CRYL1: variants seen among roughly 807,000 people sequenced by gnomAD.
The protein encoded by CRYL1 is lambda-crystallin homolog.
Under a neutral mutation model 36.6 loss-of-function variants are expected in CRYL1, and 29 were observed. That is an observed-to-expected ratio of 0.79 (90% CI 0.59 to 1.08). The LOEUF (loss-of-function observed/expected upper bound fraction) is 1.08. Ranked by LOEUF, CRYL1 falls within the 50% of genes least tolerant of loss-of-function variation. CRYL1 has a pLI of 0.00. For synonymous variants in CRYL1, 152 were observed against 151.5 expected (o/e 1.00, Z -0.02); for missense variants, 411 against 407.9 (o/e 1.01, Z -0.06).
chr13:20,431,848 C>T (rs4614565), intron 5 of CRYL1: 662,233 of 1,423,702 alleles, frequency 0.47, 157,329 homozygotes, highest in East Asian at 0.52. Context: ...AGGAGAGAAG[C>T]CTGTCATCGT....
intron 3 of CRYL1, among the ~76,000 whole-genome samples, chr13:20,458,564 T>A (rs1240561709): frequency 6.6e-6 from 1 of 152,242 alleles, no homozygotes; most frequent in African/African-American, 2.4e-5. Flanking sequence ...ATTTAACTCA[T>A]AAACTCAAAT....
chr13:20,420,701 T>TTTTTTTTTTTTTTTTTTTTTTTG lies in CRYL1; in HGVS notation c.634-7315_634-7314insCAAAAAAAAAAAAAAAAAAAAAA. 2.7e-4 allele frequency among the ~76,000 whole-genome samples: 6 copies of TTTTTTTTTTTTTTTTTTTTTTTG among 21,872 alleles called. 1 individual carries two copies. The highest frequency in any genetic ancestry group is 3.5e-4 in the Admixed American group (1 of 2,876). The allele number at this position is 21,872 out of a possible 152,430, so 14.3% of individuals were successfully genotyped here. A position where few individuals can be genotyped will look rare whatever the true frequency, so the allele number is the denominator to read the frequency against. Reference sequence around the variant, plus strand: ...CTTTGACTTTTCTTTAAAATAGAGGTTGTGTGTGTGTGTGTGTGTGTGTGT... The same window carrying TTTTTTTTTTTTTTTTTTTTTTTG: ...CTTTGACTTTTCTTTAAAATAGAGGTTTTTTTTTTTTTTTTTTTTTTTGTGTGTGTGTGTGTGTGTGTGTGTGT... On this transcript the variant is annotated intron_variant, in intron 5 of 7. Coordinates refer to ENST00000298248, the MANE Select transcript of CRYL1 (RefSeq NM_015974.3).
At chr13:20,417,079 G>A (rs1183424929) in intron 5 of CRYL1, among the ~76,000 whole-genome samples, 1 of 152,216 alleles carries the variant, frequency 6.6e-6, no homozygotes, top group East Asian at 1.9e-4. Context: ...TATAGAGAAA[G>A]AAAAGGACCA....
intron 5 of CRYL1, among the ~76,000 whole-genome samples, chr13:20,426,307 C>T (rs2031934397): frequency 6.6e-6 from 1 of 151,546 alleles, no homozygotes; most frequent in South Asian, 2.1e-4. Flanking sequence ...GAGGGTCTCA[C>T]TATGTTACCC....
intron 3 of CRYL1, among the ~76,000 whole-genome samples, chr13:20,470,469 A>G (rs192913210): frequency 6.6e-6 from 1 of 152,282 alleles, no homozygotes; most frequent in Admixed American, 6.5e-5. Flanking sequence ...AGGACTTTCT[A>G]TTTTTCCAGA....
intron 3 of CRYL1, among the ~76,000 whole-genome samples, chr13:20,475,390 T>C (rs1164609241): frequency 6.6e-6 from 1 of 152,180 alleles, no homozygotes; most frequent in African/African-American, 2.4e-5. Flanking sequence ...CATCAACAAA[T>C]GTTTATTAAG....
At chr13:20,463,405 CAG>C (rs1304542327) in intron 3 of CRYL1, among the ~76,000 whole-genome samples, 1 of 11,090 alleles carries the variant, frequency 9.0e-5, no homozygotes, top group East Asian at 0.17. Context: ...GATTTTTCTC[CAG>C]AAAAAAATCT....
chr13:20,513,070 A>G (rs2033942404), intron 1 of CRYL1, among the ~76,000 whole-genome samples: 1 of 152,204 alleles, frequency 6.6e-6, no homozygotes, highest in African/African-American at 2.4e-5. Flanking sequence ...ATGTAGGAAT[A>G]TTAGGTATGA....
chr13:20,454,231 T>C (rs1200670358), intron 3 of CRYL1, among the ~76,000 whole-genome samples: 3 of 151,952 alleles, frequency 2.0e-5, no homozygotes, highest in African/African-American at 7.3e-5. Flanking sequence ...AAAAAAAATC[T>C]CAACAAAAAA....
At chr13:20,430,971 A>G (rs1593438859) in intron 5 of CRYL1, 1 of 985,444 alleles carries the variant, frequency 1.0e-6, no homozygotes, top group East Asian at 1.1e-4. Context: ...AAACCCGAGC[A>G]CTGTTTCTTG....
In CRYL1 at chr13:20,439,763, G is replaced by A; in HGVS notation, c.277-9C>T. 6.2e-7 allele frequency: 1 copy of A among 1,613,584 alleles called. No homozygotes were observed. Among genetic ancestry groups the A allele is most frequent in the Non-Finnish European group, 8.5e-7 (1 of 1,179,632 alleles). On this transcript the variant is annotated splice_polypyrimidine_tract_variant and intron_variant, in intron 3 of 7. Transcript: ENST00000298248. Reference sequence around the variant, plus strand: ...TCTTCTGGAACACATTCCTGAAAAGGACACGTTTAAATGACTATTCATGAC... The same window carrying A: ...TCTTCTGGAACACATTCCTGAAAAGAACACGTTTAAATGACTATTCATGAC...
rs1029144306 is a variant in CRYL1 at position 20,491,566 on chromosome 13, G to A, written c.150-2070C>T. ...AGCACTTTGCGAGGCCAAGGCAGGC[G>A]GGTCACTTGAGGACGGGAGTTTGAG... On this transcript the variant is annotated intron_variant, in intron 2 of 7. Coordinates refer to ENST00000298248, the MANE Select transcript of CRYL1 (RefSeq NM_015974.3). 7.9e-5 allele frequency among the ~76,000 whole-genome samples: 12 copies of A among 152,230 alleles called. No homozygotes were observed. The East Asian group carries it at 1.2e-3, about 15-fold the overall frequency.
chr13:20,469,423 A>G (rs886502801), intron 3 of CRYL1, among the ~76,000 whole-genome samples: 4 of 152,168 alleles, frequency 2.6e-5, no homozygotes, highest in African/African-American at 9.7e-5. Flanking sequence ...TGAGAAGTTC[A>G]GGTCTGGGTC....
rs571480932 is a variant in CRYL1 at position 20,415,029 on chromosome 13, C to T, written c.634-1642G>A. Among the ~76,000 whole-genome samples the T allele has an allele frequency of 1.9e-4, 29 of 152,328 alleles. No homozygotes were observed. Among genetic ancestry groups the T allele is most frequent in the African/African-American group, 6.7e-4 (28 of 41,584 alleles). On this transcript the variant is annotated intron_variant, in intron 5 of 7. Coordinates refer to ENST00000298248, the MANE Select transcript of CRYL1 (RefSeq NM_015974.3). This position sits in a 1 kb window ranked among gnomAD's most constrained non-coding sequence, Gnocchi z 4.1. ...GCTGGCCCGCCTGCGAGAGCCCGAC[C>T]GTGGACGATGCGTCGCGCCCTTCCC... is the stretch of plus-strand genomic sequence containing the variant.
At chr13:20,470,784 C>T (rs1446541048) in intron 3 of CRYL1, among the ~76,000 whole-genome samples, 2 of 151,902 alleles carry the variant, frequency 1.3e-5, no homozygotes, top group African/African-American at 4.8e-5. Context: ...GTGGCAGGCG[C>T]CTGTAATCCC....
chr13:20,519,219 G>T (rs995136034), intron 1 of CRYL1, among the ~76,000 whole-genome samples: 1 of 151,380 alleles, frequency 6.6e-6, no homozygotes, highest in Non-Finnish European at 1.5e-5. Context: ...ACAAAAGGGA[G>T]TGCCAGTGAG....
At chr13:20,499,370 C>T (rs1409608542) in intron 2 of CRYL1, among the ~76,000 whole-genome samples, 9 of 149,952 alleles carry the variant, frequency 6.0e-5, no homozygotes, top group African/African-American at 2.2e-4. Flanking sequence ...AAAATGTGGC[C>T]GGGCGCAGTG....
chr13:20,426,533 G>C (rs1457457829), intron 5 of CRYL1, among the ~76,000 whole-genome samples: 2 of 152,206 alleles, frequency 1.3e-5, no homozygotes, highest in Non-Finnish European at 2.9e-5. Flanking sequence ...AAGCTGGTTA[G>C]AGCTGCATGT....
At chr13:20,495,652 G>C (rs912117968) in intron 2 of CRYL1, among the ~76,000 whole-genome samples, 1 of 152,220 alleles carries the variant, frequency 6.6e-6, no homozygotes, top group Admixed American at 6.5e-5. Flanking sequence ...ATATCCAAAA[G>C]AACTGAAGCG....
Sources: allele counts gnomAD v4.1 joint callset (sites outside exome capture counted in the v4.1 genomes callset), GRCh38; gene constraint gnomAD v4.1.1; non-coding constraint Gnocchi (gnomAD v3.1); transcripts MANE v1.5; gene names NCBI Gene and HGNC (gene_info 2026-07-23, HGNC 2026-07-21).